ANKIB1: variants seen among roughly 807,000 people sequenced by gnomAD.
ANKIB1 encodes the protein ankyrin repeat and IBR domain-containing protein 1.
A neutral mutation model predicts 122.1 loss-of-function variants in ANKIB1; 43 were observed. The observed-to-expected ratio is 0.35, with a 90% CI of 0.28 to 0.45. The LOEUF is 0.45. Among genes scored for constraint, ANKIB1 ranks in the 20% least tolerant of loss-of-function variants. The probability of loss-of-function intolerance (pLI) is 1.00; values close to 1 mark genes in which losing one functional copy is unlikely to be tolerated. For synonymous variants in ANKIB1, 390 were observed against 442.0 expected, an observed-to-expected ratio of 0.88 and a Z score of 1.48; for missense variants, 992 against 1,329.5, an observed-to-expected ratio of 0.75 and a Z score of 3.95.
intron 1 of ANKIB1, among the ~76,000 whole-genome samples, chr7:92,252,217 C>A (rs1177163036): frequency 1.3e-5 from 2 of 152,098 alleles, no homozygotes; most frequent in Non-Finnish European, 1.5e-5. Context: ...GAGATGTATT[C>A]CAAAATTATG....
intron 2 of ANKIB1, 101 bp from the exon 3 acceptor site, chr7:92,307,258 T>C (rs1562777252): frequency 8.3e-7 from 1 of 1,207,848 alleles, no homozygotes; most frequent in East Asian, 2.6e-5. Flanking sequence ...ATTATCAGCT[T>C]AGAAGTAGAG....
intron 1 of ANKIB1, among the ~76,000 whole-genome samples, chr7:92,290,329 T>C (rs1479372333): frequency 2.0e-5 from 3 of 151,940 alleles, no homozygotes; most frequent in Non-Finnish European, 4.4e-5. Flanking sequence ...TTATCAGTAA[T>C]GCAGATAATT....
At position 92,399,821 on chromosome 7, in the gene ANKIB1, T is replaced by C. The variant is rs1804980445; in HGVS notation, c.*872T>C. On this transcript the variant is annotated 3_prime_UTR_variant, in exon 20 of 20. Transcript: ENST00000265742. ...TGATTAGCAACAGCGGTGCTGTATTTTAAGAGACACTTTATTGGAAGTGCA... is the reference window on the plus strand; with the variant it reads ...TGATTAGCAACAGCGGTGCTGTATTCTAAGAGACACTTTATTGGAAGTGCA... The C allele has an allele frequency of 6.6e-6, 1 of 152,228 alleles. No individual in the cohort carries two copies. Among genetic ancestry groups the C allele is most frequent in the South Asian group, 2.1e-4 (1 of 4,830 alleles). 9.4% of individuals were successfully genotyped at this position (152,228 alleles called of 1,614,324 possible). A position where few individuals can be genotyped will look rare whatever the true frequency, so the allele number is the denominator to read the frequency against.
chr7:92,397,289 C>A (rs1804919322), intron 18 of ANKIB1, among the ~76,000 whole-genome samples: 1 of 151,846 alleles, frequency 6.6e-6, no homozygotes, highest in Admixed American at 6.6e-5. Flanking sequence ...AGATGGAGAC[C>A]ATCCTGACCA....
intron 12 of ANKIB1, among the ~76,000 whole-genome samples, 175 bp from the exon 13 acceptor site, chr7:92,387,623 G>A (rs1324482161): frequency 1.3e-5 from 2 of 150,664 alleles, no homozygotes; most frequent in Admixed American, 6.6e-5. Context: ...GAGACACAGC[G>A]AGACTCCGTC....
At chr7:92,370,572 T>C (rs1804221466) in intron 10 of ANKIB1, among the ~76,000 whole-genome samples, 1 of 114,494 alleles carries the variant, frequency 8.7e-6, no homozygotes, top group Non-Finnish European at 1.9e-5. Flanking sequence ...TAGAGTTAGA[T>C]AGAGGACAAT....
At chr7:92,326,678 A>T (rs1215799040) in intron 4 of ANKIB1, among the ~76,000 whole-genome samples, 2 of 152,176 alleles carry the variant, frequency 1.3e-5, no homozygotes, top group African/African-American at 4.8e-5. Context: ...ATGTTTCATA[A>T]ATTAGCTTAA....
In ANKIB1 at chr7:92,397,847, G is replaced by A; in HGVS notation, c.2520G>A (p.Gln840=). The change falls in exon 19 of 20, where the codon CAG becomes CAA. Residue 840 remains glutamine, a synonymous_variant. Coordinates refer to ENST00000265742, the MANE Select transcript of ANKIB1 (RefSeq NM_019004.2). ...DYTPASRSEN[Q]DSLQALSSLD... is the part of the protein sequence containing the mutation. The stretch of plus-strand genomic sequence containing the variant: ...CCCCTGCCAGTCGCTCTGAAAACCA[G>A]GACTCTCTTCAGGTAGCCTTTCTGA... 6.2e-7 allele frequency: 1 copy of A among 1,607,668 alleles called. No homozygotes were observed. The highest frequency in any genetic ancestry group is 8.5e-7 in the Non-Finnish European group (1 of 1,178,106).
intron 1 of ANKIB1, among the ~76,000 whole-genome samples, chr7:92,253,057 T>C (rs1562760322): frequency 6.6e-6 from 1 of 152,158 alleles, no homozygotes; most frequent in Non-Finnish European, 1.5e-5. Context: ...TACACACACA[T>C]AGGCAAAACA....
At chr7:92,356,013 C>G (rs892749687) in intron 9 of ANKIB1, among the ~76,000 whole-genome samples, 11 of 151,932 alleles carry the variant, frequency 7.2e-5, no homozygotes, top group African/African-American at 2.2e-4. Context: ...CTTGAGAAAC[C>G]ACAGTATCAG....
chr7:92,261,116 G>A lies in ANKIB1; in HGVS notation c.-91+14597G>A, dbSNP rs188450423. Among the ~76,000 whole-genome samples the A allele has an allele frequency of 5.3e-3, 806 of 152,038 alleles. 7 individuals carry two copies. Among genetic ancestry groups the A allele is most frequent in the African/African-American group, 0.018 (760 of 41,514 alleles). On this transcript the variant is annotated intron_variant, in intron 1 of 19. Coordinates refer to ENST00000265742, the MANE Select transcript of ANKIB1 (RefSeq NM_019004.2). Reference sequence around the variant, plus strand: ...TGTAATCCCAGCACTTTGGGAGGCCGAGGCGGGCGGATCACGAGGTCAGGA... The same window carrying A: ...TGTAATCCCAGCACTTTGGGAGGCCAAGGCGGGCGGATCACGAGGTCAGGA...
chr7:92,381,704 C>T (rs1157622695), intron 11 of ANKIB1, among the ~76,000 whole-genome samples: 5 of 152,146 alleles, frequency 3.3e-5, no homozygotes, highest in African/African-American at 7.2e-5. Context: ...CAGATTTTGT[C>T]ACCACCAGAC....
chr7:92,322,541 G>A (rs1360528903), intron 4 of ANKIB1, among the ~76,000 whole-genome samples: 1 of 151,954 alleles, frequency 6.6e-6, no homozygotes, highest in African/African-American at 2.4e-5. Flanking sequence ...CATCCTGACT[G>A]TATCCCCGAG....
intron 9 of ANKIB1, among the ~76,000 whole-genome samples, chr7:92,353,201 G>C (rs1199260215): frequency 6.6e-6 from 1 of 152,090 alleles, no homozygotes. Flanking sequence ...TCTAAAAAAA[G>C]AAAATTAAAA....
At position 92,365,359 on chromosome 7, in the gene ANKIB1, C is replaced by T. The variant is rs115502034; in HGVS notation, c.1486+3086C>T. On this transcript the variant is annotated intron_variant, in intron 10 of 19. Transcript: ENST00000265742. ...TGCATGTTGAAAGCTGATAGATGTC[C>T]TTCACATGAACCAGAATAGGAAAGA... 5.1e-3 allele frequency among the ~76,000 whole-genome samples: 781 copies of T among 152,274 alleles called. 7 individuals carry two copies. Among genetic ancestry groups the T allele is most frequent in the African/African-American group, 0.018 (741 of 41,542 alleles).
chr7:92,334,904 T>G (rs558323155), intron 5 of ANKIB1, among the ~76,000 whole-genome samples: 1 of 152,076 alleles, frequency 6.6e-6, no homozygotes, highest in Non-Finnish European at 1.5e-5. Flanking sequence ...AAATATGCCC[T>G]TGTGTGCCTA....
intron 2 of ANKIB1, among the ~76,000 whole-genome samples, chr7:92,304,160 A>G (rs1226885114): frequency 1.3e-5 from 2 of 152,248 alleles, no homozygotes; most frequent in Non-Finnish European, 2.9e-5. Context: ...CCATTTATAC[A>G]TTTATGTAAA....
At chr7:92,306,455 T>G (rs1802563787) in intron 2 of ANKIB1, among the ~76,000 whole-genome samples, 1 of 152,128 alleles carries the variant, frequency 6.6e-6, no homozygotes, top group African/African-American at 2.4e-5. Context: ...GTCTTCTAGA[T>G]CTAACCACAA....
rs548542910 is a variant in ANKIB1, at chr7:92,312,261, A to G, written c.486+4605A>G. ...AAACCTGAAGTTTCACAAATTAATT[A>G]TTCTAAATTATTTGTGAGATAAAAA... On this transcript the variant is annotated intron_variant, in intron 3 of 19. Transcript: ENST00000265742. 3.3e-3 allele frequency among the ~76,000 whole-genome samples: 510 copies of G among 152,326 alleles called. 1 individual carries two copies. Among genetic ancestry groups the G allele is most frequent in the Non-Finnish European group, 6.2e-3 (423 of 68,006 alleles).
Sources: gnomAD v4.1 joint callset for allele counts (sites outside exome capture counted in the v4.1 genomes callset) on GRCh38, gnomAD v4.1.1 for gene constraint, MANE v1.5 for transcripts, NCBI Gene and HGNC (gene_info 2026-07-23, HGNC 2026-07-21) for gene names.